ST8SIA6: variants seen among roughly 807,000 people sequenced by gnomAD.
ST8SIA6 encodes the protein ST8 alpha-N-acetyl-neuraminide alpha-2,8-sialyltransferase 6.
A neutral mutation model predicts 33.6 loss-of-function variants in ST8SIA6; 39 were observed. The ratio of observed to expected loss-of-function variants is 1.16; its 90% confidence interval spans 0.90 to 1.52. The LOEUF is 1.52. ST8SIA6 is among the 40% of genes most tolerant of loss of function. ST8SIA6 has a pLI of 0.00. For synonymous variants in ST8SIA6, 172 were observed against 167.2 expected, an observed-to-expected ratio of 1.03 and a Z score of -0.22; for missense variants, 441 against 443.8, an observed-to-expected ratio of 0.99 and a Z score of 0.06.
At chr10:17,374,071 C>CACACACACA (rs1225769260) in intron 3 of ST8SIA6, among the ~76,000 whole-genome samples, 1 of 139,112 alleles carries the variant, frequency 7.2e-6, no homozygotes, top group East Asian at 2.1e-4. Flanking sequence ...TCAACAACCA[C>CACACACACA]CACACACACA....
chr10:17,405,541 G>T (rs931456587), intron 2 of ST8SIA6, among the ~76,000 whole-genome samples: 6 of 149,044 alleles, frequency 4.0e-5, no homozygotes, highest in African/African-American at 1.5e-4. Context: ...AAAGGCAAGT[G>T]GACAATCACT....
chr10:17,419,007 A>G (rs1034282755), intron 2 of ST8SIA6, among the ~76,000 whole-genome samples: 15 of 151,306 alleles, frequency 9.9e-5, no homozygotes, highest in African/African-American at 2.9e-4. Flanking sequence ...AAAAAAAAAA[A>G]AAAAAAAAGA....
At chr10:17,404,600 A>G (rs1371872997) in intron 2 of ST8SIA6, among the ~76,000 whole-genome samples, 1 of 152,126 alleles carries the variant, frequency 6.6e-6, no homozygotes, top group African/African-American at 2.4e-5. Context: ...AAAATTCTTC[A>G]TCCCTCACCA....
intron 3 of ST8SIA6, among the ~76,000 whole-genome samples, chr10:17,381,214 T>C (rs1357484685): frequency 1.3e-5 from 2 of 152,192 alleles, no homozygotes; most frequent in East Asian, 3.8e-4. Flanking sequence ...CTATACCTTA[T>C]GATGTAAATT....
At chr10:17,374,174 A>G (rs1447525390) in intron 3 of ST8SIA6, among the ~76,000 whole-genome samples, 1 of 150,918 alleles carries the variant, frequency 6.6e-6, no homozygotes, top group African/African-American at 2.4e-5. Context: ...TGAACAAATC[A>G]TAATCCCATT....
chr10:17,375,761 AGTG>A (rs1229952715), intron 3 of ST8SIA6, among the ~76,000 whole-genome samples: 1 of 152,212 alleles, frequency 6.6e-6, no homozygotes, highest in African/African-American at 2.4e-5. Flanking sequence ...GTTACAGGGC[AGTG>A]GCTTACATGC....
At chr10:17,356,914 G>A (rs780081524) in intron 4 of ST8SIA6, among the ~76,000 whole-genome samples, 3 of 151,970 alleles carry the variant, frequency 2.0e-5, no homozygotes, top group Non-Finnish European at 4.4e-5. Context: ...AAAAAAGAAA[G>A]GAAAGGAAGA....
At chr10:17,366,748 A>G (rs1185651172) in intron 3 of ST8SIA6, among the ~76,000 whole-genome samples, 1 of 152,130 alleles carries the variant, frequency 6.6e-6, no homozygotes, top group Non-Finnish European at 1.5e-5. Flanking sequence ...AGCCTTTGGT[A>G]GAAGATGCAG....
chr10:17,340,862 AGT>A (rs1848649666), intron 4 of ST8SIA6, among the ~76,000 whole-genome samples: 1 of 152,198 alleles, frequency 6.6e-6, no homozygotes, highest in African/African-American at 2.4e-5. Flanking sequence ...GCTGTCACAT[AGT>A]GTAGAAGACT....
intron 3 of ST8SIA6, among the ~76,000 whole-genome samples, chr10:17,377,745 G>A (rs947764248): frequency 6.6e-6 from 1 of 152,186 alleles, no homozygotes; most frequent in Non-Finnish European, 1.5e-5. Flanking sequence ...CAATGTGAAA[G>A]GGACAGATAG....
At chr10:17,364,537 A>G (rs922946159) in intron 3 of ST8SIA6, among the ~76,000 whole-genome samples, 1 of 152,214 alleles carries the variant, frequency 6.6e-6, no homozygotes. Flanking sequence ...CTGACGTTAT[A>G]GAGGGGAAGA....
chr10:17,413,690 C>A (rs1398561764), intron 2 of ST8SIA6, among the ~76,000 whole-genome samples: 7 of 152,128 alleles, frequency 4.6e-5, no homozygotes, highest in Non-Finnish European at 1.0e-4. Context: ...TTTTGATATT[C>A]TTCTTCAATG....
At chr10:17,431,220 G>A (rs1475596202) in intron 2 of ST8SIA6, among the ~76,000 whole-genome samples, 3 of 152,148 alleles carry the variant, frequency 2.0e-5, no homozygotes, top group African/African-American at 7.2e-5. Context: ...AGAACTAGCC[G>A]CTGAGGATGG....
At chr10:17,361,218 A>G (rs781499109) in intron 3 of ST8SIA6, among the ~76,000 whole-genome samples, 1 of 152,046 alleles carries the variant, frequency 6.6e-6, no homozygotes, top group Non-Finnish European at 1.5e-5. Flanking sequence ...AATGAGATGA[A>G]AAGCTTGTTC....
At chr10:17,414,340 C>T (rs1255896934) in intron 2 of ST8SIA6, among the ~76,000 whole-genome samples, 1 of 152,108 alleles carries the variant, frequency 6.6e-6, no homozygotes, top group South Asian at 2.1e-4. Flanking sequence ...ATTTATTCTC[C>T]CGTCTCCTCC....
chr10:17,331,662 A>G (rs895230092), intron 4 of ST8SIA6, 110 bp from the exon 5 acceptor site: 3 of 1,117,104 alleles, frequency 2.7e-6, no homozygotes. Flanking sequence ...ACTTTCAAAA[A>G]GAAGATAATT....
intron 3 of ST8SIA6, among the ~76,000 whole-genome samples, chr10:17,387,810 A>G (rs1018405350): frequency 6.6e-6 from 1 of 152,194 alleles, no homozygotes; most frequent in Non-Finnish European, 1.5e-5. Flanking sequence ...GTCAGGATAG[A>G]ATAGACTATG....
At position 17,319,360 on chromosome 10, in the gene ST8SIA6, G is replaced by C. The variant is rs901580366; in HGVS notation, c.*1518C>G. Among the ~76,000 whole-genome samples, 2 of 152,064 alleles carry C rather than the reference G, an allele frequency of 1.3e-5. No homozygotes were observed. Among genetic ancestry groups the C allele is most frequent in the Non-Finnish European group, 2.9e-5 (2 of 68,000 alleles). ...ATAACACACTTTATGAAATCTCGGG[G>C]TGTCTGTTTAGCCAAAGATTTTTGG... is the stretch of plus-strand genomic sequence containing the variant. On this transcript the variant is annotated 3_prime_UTR_variant, in exon 8 of 8. Coordinates refer to ENST00000377602, the MANE Select transcript of ST8SIA6 (RefSeq NM_001004470.3).
intron 3 of ST8SIA6, among the ~76,000 whole-genome samples, chr10:17,375,675 G>A (rs370809976): frequency 1.3e-5 from 2 of 152,312 alleles, no homozygotes; most frequent in African/African-American, 4.8e-5. Context: ...TTGATTCTGA[G>A]CATTTGTATT....
Sources: allele counts gnomAD v4.1 joint callset (sites outside exome capture counted in the v4.1 genomes callset), GRCh38; gene constraint gnomAD v4.1.1; transcripts MANE v1.5; gene names NCBI Gene and HGNC (gene_info 2026-07-23, HGNC 2026-07-21).